Variants in LRRC7 observed in about 807,000 individuals in gnomAD.
The protein encoded by LRRC7 is leucine rich repeat containing 7.
Under a neutral mutation model 175.7 loss-of-function variants are expected in LRRC7, and 23 were observed. The observed-to-expected ratio is 0.13, with a 90% CI of 0.09 to 0.19. The LOEUF (loss-of-function observed/expected upper bound fraction) is 0.19, where lower values mean the gene tolerates loss of function less well. Among genes scored for constraint, LRRC7 ranks in the 10% least tolerant of loss-of-function variants. LRRC7 has a pLI of 1.00. For missense variants in LRRC7, 1,354 were observed against 1,904.7 expected, an observed-to-expected ratio of 0.71 and a Z score of 5.38; for synonymous variants, 685 against 680.9, an observed-to-expected ratio of 1.01 and a Z score of -0.09.
At chr1:69,884,941 C>T (rs1049916852) in intron 7 of LRRC7, among the ~76,000 whole-genome samples, 5 of 149,542 alleles carry the variant, frequency 3.3e-5, no homozygotes, top group African/African-American at 1.0e-4. Flanking sequence ...TATATTGAAC[C>T]AGCCTTGCAT....
At position 69,568,628 on chromosome 1, in the gene LRRC7, C is replaced by T. The variant is rs781518705; in HGVS notation, c.-12C>T. Reference sequence around the variant, plus strand: ...CTCTCCGAAACCTCATGGGCAGTTTCTCCCGCCGGCGATGTGAGTAAGGCA... The same window carrying T: ...CTCTCCGAAACCTCATGGGCAGTTTTTCCCGCCGGCGATGTGAGTAAGGCA... On this transcript the variant is annotated 5_prime_UTR_variant, in exon 1 of 27. Transcript: ENST00000651989. 7.4e-7 allele frequency: 1 copy of T among 1,352,520 alleles called. No individual in the cohort carries two copies. Among genetic ancestry groups the T allele is most frequent in the Non-Finnish European group, 9.8e-7 (1 of 1,016,146 alleles). 83.8% of individuals were successfully genotyped at this position (1,352,520 alleles called of 1,614,324 possible).
intron 1 of LRRC7, among the ~76,000 whole-genome samples, chr1:69,671,703 G>C (rs1659099252): frequency 6.6e-6 from 1 of 152,126 alleles, no homozygotes; most frequent in Non-Finnish European, 1.5e-5. Context: ...ATACTCCTGT[G>C]GCTAGGGCTC....
chr1:69,968,489 G>A (rs182885445), intron 8 of LRRC7, among the ~76,000 whole-genome samples: 52 of 152,262 alleles, frequency 3.4e-4, no homozygotes, highest in Non-Finnish European at 1.2e-4. Context: ...CATCACCCAG[G>A]CACACTGTCA....
Position 70,028,097 on chromosome 1 carries a change from A to T in LRRC7, c.1795-74A>T, listed in dbSNP as rs1355846988. ...ATTGCATTTGATTATACTACTGAAT[A>T]TAAAATGGGATAGTTTTGTGAACAT... On this transcript the variant is annotated intron_variant, in intron 17 of 26. Transcript: ENST00000651989. 1.1e-5 allele frequency: 14 copies of T among 1,272,006 alleles called. No individual in the cohort carries two copies. In the Admixed American group the frequency reaches 2.3e-4, roughly 21 times the overall value. 78.8% of individuals were successfully genotyped at this position (1,272,006 alleles called of 1,614,324 possible).
chr1:69,985,350 AT>A (rs1653840202), intron 9 of LRRC7, among the ~76,000 whole-genome samples: 1 of 152,222 alleles, frequency 6.6e-6, no homozygotes, highest in South Asian at 2.1e-4. Flanking sequence ...CTCCAAAATT[AT>A]AATTTAAAAC....
chr1:69,615,468 A>T lies in LRRC7; in HGVS notation c.2+46827A>T, dbSNP rs562424011. Among the ~76,000 whole-genome samples, 25 of 152,192 alleles carry T rather than the reference A, an allele frequency of 1.6e-4. No homozygotes were observed. The South Asian group carries it at 5.2e-3, about 32-fold the overall frequency. Reference sequence around the variant, plus strand: ...TTAGCCATCTTGAGGGAAAAAAAGCATAATAACAGACAACATGGAGTTGAC... The same window carrying T: ...TTAGCCATCTTGAGGGAAAAAAAGCTTAATAACAGACAACATGGAGTTGAC... On this transcript the variant is annotated intron_variant, in intron 1 of 26. Transcript: ENST00000651989.
rs1255462227 is a variant in LRRC7 at position 70,125,862 on chromosome 1, CA to C, written c.*3978del. ...ATGGAAGAAATTAGATTTATATATT[CA>C]AATATTAAGTGAAAAGTATCTGAAT... On this transcript the variant is annotated 3_prime_UTR_variant, in exon 27 of 27. Coordinates refer to ENST00000651989, the MANE Select transcript of LRRC7 (RefSeq NM_001370785.2). 6.7e-6 allele frequency among the ~76,000 whole-genome samples: 1 copy of C among 149,160 alleles called. No individual in the cohort carries two copies. Among genetic ancestry groups the C allele is most frequent in the East Asian group, 2.0e-4 (1 of 5,102 alleles).
At chr1:69,786,933 A>G (rs549175856) in intron 3 of LRRC7, among the ~76,000 whole-genome samples, 38 of 152,298 alleles carry the variant, frequency 2.5e-4, no homozygotes, top group African/African-American at 7.5e-4. Context: ...CATTAACTCA[A>G]AAGTCCACAG....
chr1:69,663,640 C>T (rs1314559875), intron 1 of LRRC7, among the ~76,000 whole-genome samples: 1 of 151,756 alleles, frequency 6.6e-6, no homozygotes, highest in African/African-American at 2.4e-5. Flanking sequence ...CCCTCACTAC[C>T]CAGCCCAGTC....
At position 69,653,393 on chromosome 1, in the gene LRRC7, C is replaced by T. The variant is rs113147812; in HGVS notation, c.3-24988C>T. Among the ~76,000 whole-genome samples, 26 of 151,804 alleles carry T rather than the reference C, an allele frequency of 1.7e-4. No individual in the cohort carries two copies. In the South Asian group the frequency reaches 5.2e-3, roughly 30 times the overall value. On this transcript the variant is annotated intron_variant, in intron 1 of 26. Coordinates refer to ENST00000651989, the MANE Select transcript of LRRC7 (RefSeq NM_001370785.2). ...AAAGATGCTCAGCATCACTAATAATCGGGGAAATGCAACTCAAAACCACAA... is the reference window on the plus strand; with the variant it reads ...AAAGATGCTCAGCATCACTAATAATTGGGGAAATGCAACTCAAAACCACAA...
intron 3 of LRRC7, among the ~76,000 whole-genome samples, chr1:69,778,170 C>T (rs909012870): frequency 6.6e-6 from 1 of 152,190 alleles, no homozygotes; most frequent in Admixed American, 6.5e-5. Context: ...TCATTATTCA[C>T]TCCCTGGCAC....
At position 70,122,631 on chromosome 1, in the gene LRRC7, A is replaced by G. The variant is rs1446924333; in HGVS notation, c.*744A>G. ...ACTAATTTGTTCAATGCCTTTAGCT[A>G]ATTACAATACATGCAGAGTTTAGAA... is the stretch of plus-strand genomic sequence containing the variant. On this transcript the variant is annotated 3_prime_UTR_variant, in exon 27 of 27. Transcript: ENST00000651989. 1 of 152,126 alleles carries G rather than the reference A, an allele frequency of 6.6e-6. No individual in the cohort carries two copies. Among genetic ancestry groups the G allele is most frequent in the Non-Finnish European group, 1.5e-5 (1 of 67,952 alleles). The allele number at this position is 152,126 out of a possible 1,614,324, so 9.4% of individuals were successfully genotyped here.
chr1:70,109,855 A>G (rs568873843), intron 26 of LRRC7, among the ~76,000 whole-genome samples: 6 of 152,230 alleles, frequency 3.9e-5, no homozygotes, highest in Non-Finnish European at 7.3e-5. Flanking sequence ...CAAAGAAATT[A>G]TTTTAAATCC....
intron 24 of LRRC7, 51 bp from the exon 25 acceptor site, chr1:70,089,676 T>C (rs746038086): frequency 2.4e-6 from 3 of 1,227,804 alleles, no homozygotes; most frequent in Non-Finnish European, 3.5e-6. Context: ...TATTTGAAAA[T>C]ATTTAGCTTT....
At chr1:69,857,069 C>T (rs1220447668) in intron 7 of LRRC7, among the ~76,000 whole-genome samples, 2 of 152,138 alleles carry the variant, frequency 1.3e-5, no homozygotes, top group Non-Finnish European at 2.9e-5. Context: ...AACAGTCCTT[C>T]ATGCTAAAAA....
chr1:69,740,613 A>G (rs1668606462), intron 2 of LRRC7, among the ~76,000 whole-genome samples: 1 of 152,070 alleles, frequency 6.6e-6, no homozygotes, highest in Non-Finnish European at 1.5e-5. Flanking sequence ...TACAGAAACA[A>G]CTGGGTTGAT....
intron 9 of LRRC7, 31 bp from the exon 10 acceptor site, chr1:69,986,211 A>G: frequency 1.2e-6 from 2 of 1,600,656 alleles, no homozygotes; most frequent in Non-Finnish European, 1.7e-6. Flanking sequence ...AAGTCTCTCA[A>G]CTAACCCTGA....
intron 7 of LRRC7, chr1:69,919,757 C>A: frequency 2.1e-6 from 2 of 968,926 alleles, no homozygotes; most frequent in South Asian, 1.4e-5. Context: ...ATTTGAAGAC[C>A]CCTGGTTTGC....
intron 7 of LRRC7, among the ~76,000 whole-genome samples, chr1:69,916,074 A>G (rs1420496691): frequency 3.9e-5 from 5 of 127,226 alleles, no homozygotes; most frequent in Admixed American, 1.8e-4. Context: ...TTTTATATAT[A>G]TAATATATAT....
Sources: allele counts gnomAD v4.1 joint callset (sites outside exome capture counted in the v4.1 genomes callset), GRCh38; gene constraint gnomAD v4.1.1; transcripts MANE v1.5; gene names NCBI Gene and HGNC (gene_info 2026-07-23, HGNC 2026-07-21).